CACNA1A: variants seen among roughly 807,000 people sequenced by gnomAD.
CACNA1A encodes voltage-dependent P/Q-type calcium channel subunit alpha-1A.
In CACNA1A, 57 loss-of-function variants were observed where a neutral mutation model predicts 262.4. That is an observed-to-expected ratio of 0.22 (90% CI 0.18 to 0.27). The LOEUF (loss-of-function observed/expected upper bound fraction) is 0.27, where lower values mean the gene tolerates loss of function less well. CACNA1A is among the 10% of genes least tolerant of loss of function. CACNA1A has a pLI of 1.00. For missense variants in CACNA1A, 2,526 were observed against 3,562.8 expected, an observed-to-expected ratio of 0.71 and a Z score of 7.41; for synonymous variants, 1,431 against 1,419.3, an observed-to-expected ratio of 1.01 and a Z score of -0.18.
chr19:13,347,233 AT>A (rs926330468), intron 6 of CACNA1A, among the ~76,000 whole-genome samples: 39 of 145,390 alleles, frequency 2.7e-4, no homozygotes, highest in Admixed American at 4.1e-4. Context: ...TAATTTTTAA[AT>A]TTTTTTTTTT....
chr19:13,346,353 C>T (rs1020204747), intron 6 of CACNA1A, among the ~76,000 whole-genome samples: 1 of 151,902 alleles, frequency 6.6e-6, no homozygotes, highest in Non-Finnish European at 1.5e-5. Context: ...TCTACCTCGG[C>T]TGCTGTTCCC....
intron 10 of CACNA1A, among the ~76,000 whole-genome samples, chr19:13,329,271 AG>A (rs905229168): frequency 1.3e-5 from 2 of 152,080 alleles, no homozygotes; most frequent in Admixed American, 1.3e-4. Context: ...TCACCACCAC[AG>A]TGATCTCCTA....
intron 3 of CACNA1A, among the ~76,000 whole-genome samples, chr19:13,384,796 G>A (rs2059581594): frequency 6.6e-6 from 1 of 152,158 alleles, no homozygotes; most frequent in Non-Finnish European, 1.5e-5. Context: ...GCCGCACAGA[G>A]GTGAGTAAGA....
chr19:13,339,392 G>A (rs7258824), intron 6 of CACNA1A, among the ~76,000 whole-genome samples: 4,949 of 152,124 alleles, frequency 0.033, 265 homozygotes, highest in African/African-American at 0.11. Context: ...CAGGGAGTTC[G>A]CGTTTAGTGG....
At chr19:13,406,460 A>C (rs2060004092) in intron 3 of CACNA1A, among the ~76,000 whole-genome samples, 1 of 106,910 alleles carries the variant, frequency 9.4e-6, no homozygotes, top group African/African-American at 3.6e-5. Flanking sequence ...GTCTCAAAAA[A>C]AAAATTATAT....
intron 6 of CACNA1A, 42 bp from the exon 7 acceptor site, chr19:13,335,951 G>T: frequency 8.6e-7 from 1 of 1,164,896 alleles, no homozygotes; most frequent in Non-Finnish European, 1.3e-6. Context: ...AGTTGACTGG[G>T]ACTCAGATAG....
At position 13,224,652 on chromosome 19, in the gene CACNA1A, CT is replaced by C. The variant is rs762645821; in HGVS notation, c.5731+14del. On this transcript the variant is annotated intron_variant, in intron 38 of 46. Coordinates refer to ENST00000360228, the MANE Select transcript of CACNA1A (RefSeq NM_001127222.2). ...CTGTCACGCCTGTCTGTGCCCGCCC[CT>C]GTCCCTTCCTTACCCTTGGCAATCT... 1.4e-4 allele frequency: 216 copies of C among 1,581,682 alleles called. 1 individual carries two copies. The South Asian group carries it at 2.2e-3, about 16-fold the overall frequency.
chr19:13,417,155 G>A (rs2060238302), intron 3 of CACNA1A, among the ~76,000 whole-genome samples: 2 of 152,188 alleles, frequency 1.3e-5, no homozygotes, highest in African/African-American at 4.8e-5. Flanking sequence ...CACTCGTCCA[G>A]GTCAGAAAGC....
At chr19:13,496,664 C>G (rs1007181386) in intron 1 of CACNA1A, among the ~76,000 whole-genome samples, 1 of 152,102 alleles carries the variant, frequency 6.6e-6, no homozygotes, top group African/African-American at 2.4e-5. Flanking sequence ...CCAAAAATAA[C>G]AGAGATCAAG....
At chr19:13,220,415 T>C (rs1269097587) in intron 38 of CACNA1A, among the ~76,000 whole-genome samples, 1 of 152,102 alleles carries the variant, frequency 6.6e-6, no homozygotes, top group Non-Finnish European at 1.5e-5. Context: ...CATGGAGGAT[T>C]ACATGCACTT....
intron 22 of CACNA1A, among the ~76,000 whole-genome samples, chr19:13,280,839 G>A (rs2057272167): frequency 6.6e-6 from 1 of 151,400 alleles, no homozygotes; most frequent in Non-Finnish European, 1.5e-5. Context: ...TACTCTGGAG[G>A]CTGAGGCAGG....
intron 3 of CACNA1A, among the ~76,000 whole-genome samples, chr19:13,426,944 T>G (rs2060412339): frequency 6.6e-6 from 1 of 152,200 alleles, no homozygotes; most frequent in Non-Finnish European, 1.5e-5. Context: ...GAAAATAGAA[T>G]TTGTCTAAAA....
intron 15 of CACNA1A, chr19:13,307,229 G>GT (rs1000301253): frequency 2.9e-4 from 43 of 148,846 alleles, no homozygotes; most frequent in Admixed American, 3.4e-4. Context: ...TCCCAAAGTG[G>GT]TTTTTTTTTT....
At chr19:13,498,122 G>A (rs1174612323) in intron 1 of CACNA1A, among the ~76,000 whole-genome samples, 2 of 151,784 alleles carry the variant, frequency 1.3e-5, no homozygotes, top group African/African-American at 4.8e-5. Flanking sequence ...CACACACCAT[G>A]CCCATCATTC....
chr19:13,285,086 A>G lies in CACNA1A; in HGVS notation c.3674T>C (p.Ile1225Thr). ...KPMPPYSSMF[I>T]LSTTNPLRRL... ...TACTCACGGGTTGGTCGTGGACAGG[A>G]TGAACATGGAGCTATAGGGAGGCAT... The change falls in exon 21 of 47, where the codon ATC becomes ACC. Residue 1225 changes from isoleucine (I) to threonine (T), a missense_variant. Ile to Thr is a moderately conservative substitution (Grantham distance 89). Around this residue, in one of 17 missense-constraint regions of CACNA1A, gnomAD observed 765 missense variants for 748.6 expected, o/e 1.02. Transcript: ENST00000360228. 6.2e-7 allele frequency: 1 copy of G among 1,613,910 alleles called. No homozygotes were observed. Among genetic ancestry groups the G allele is most frequent in the Non-Finnish European group, 8.5e-7 (1 of 1,179,856 alleles).
At position 13,461,660 on chromosome 19, in the gene CACNA1A, T is replaced by C. The variant is rs1285407483; in HGVS notation, c.294-6448A>G. Among the ~76,000 whole-genome samples the C allele has an allele frequency of 2.6e-5, 4 of 152,310 alleles. No individual in the cohort carries two copies. In the East Asian group the frequency reaches 7.7e-4, roughly 29 times the overall value. ...TCTCAGCCCAACCTCAAGTCATGCC[T>C]GATCCTCCCGATTTAGAAAGCCTGA... is the stretch of plus-strand genomic sequence containing the variant. On this transcript the variant is annotated intron_variant, in intron 1 of 46. Coordinates refer to ENST00000360228, the MANE Select transcript of CACNA1A (RefSeq NM_001127222.2).
chr19:13,379,666 C>T (rs1018976402), intron 3 of CACNA1A, among the ~76,000 whole-genome samples: 3 of 152,172 alleles, frequency 2.0e-5, no homozygotes, highest in Non-Finnish European at 2.9e-5. Flanking sequence ...TGGCTCACAC[C>T]TGTAATCCCA....
At chr19:13,477,352 T>C (rs778170080) in intron 1 of CACNA1A, among the ~76,000 whole-genome samples, 28 of 152,240 alleles carry the variant, frequency 1.8e-4, no homozygotes, top group South Asian at 2.1e-4. Context: ...TTTCTTATCA[T>C]ACATCTCTCC....
At chr19:13,471,187 A>G (rs2061341731) in intron 1 of CACNA1A, among the ~76,000 whole-genome samples, 2 of 152,184 alleles carry the variant, frequency 1.3e-5, no homozygotes, top group African/African-American at 4.8e-5. Flanking sequence ...GGATGACCTC[A>G]TCTCAATCCC....
Sources: allele counts gnomAD v4.1 joint callset (sites outside exome capture counted in the v4.1 genomes callset), GRCh38; gene constraint gnomAD v4.1.1; regional missense constraint gnomAD v4.1.1; transcripts MANE v1.5; gene names NCBI Gene and HGNC (gene_info 2026-07-23, HGNC 2026-07-21).